The following PCDHGA6 variants were observed in gnomAD, a reference collection of about 807,000 sequenced individuals.
PCDHGA6 encodes protocadherin gamma subfamily A, 6.
In PCDHGA6, 41 loss-of-function variants were observed where a neutral mutation model predicts 60.6. That is an observed-to-expected ratio of 0.68 (90% CI 0.53 to 0.88). The LOEUF (loss-of-function observed/expected upper bound fraction) is 0.88. PCDHGA6 is among the 40% of genes least tolerant of loss of function. The pLI is 0.00. For missense variants in PCDHGA6, 1,312 were observed against 1,203.0 expected (o/e 1.09, Z -1.34); for synonymous variants, 594 against 524.4 (o/e 1.13, Z -1.81).
chr5:141,443,999 T>C (rs2098413024), intron 1 of PCDHGA6, among the ~76,000 whole-genome samples: 1 of 152,136 alleles, frequency 6.6e-6, no homozygotes, highest in Non-Finnish European at 1.5e-5. Context: ...TTTTAAATGC[T>C]ACCTGGGTAT....
intron 1 of PCDHGA6, chr5:141,415,199 T>C (rs761532551): frequency 1.7e-5 from 28 of 1,613,880 alleles, no homozygotes; most frequent in Non-Finnish European, 2.4e-5. Flanking sequence ...ATCCCCCAAG[T>C]CCTGGCGGAC....
intron 1 of PCDHGA6, among the ~76,000 whole-genome samples, chr5:141,449,589 A>G (rs1196329432): frequency 7.6e-6 from 1 of 131,966 alleles, no homozygotes; most frequent in Non-Finnish European, 1.7e-5. Context: ...ACTCTGTCTC[A>G]AAAAAAAAAA....
In PCDHGA6 at chr5:141,512,809, A is replaced by C. The variant is rs2099884438; in HGVS notation, c.*1636A>C. ...GTGTTTTGTGCTGTGTCCACGCGCT[A>C]AGGCGACCCCCTCCCCCGTACTGAC... On this transcript the variant is annotated 3_prime_UTR_variant, in exon 4 of 4. Coordinates refer to ENST00000517434, the MANE Select transcript of PCDHGA6 (RefSeq NM_018919.3). 6.6e-6 allele frequency: 1 copy of C among 152,130 alleles called. No homozygotes were observed. The highest frequency in any genetic ancestry group is 2.4e-5 in the African/African-American group (1 of 41,404). The allele number at this position is 152,130 out of a possible 1,614,324, so 9.4% of individuals were successfully genotyped here. A position where few individuals can be genotyped will look rare whatever the true frequency, so the allele number is the denominator to read the frequency against.
intron 1 of PCDHGA6, chr5:141,408,047 A>C (rs1038145479): frequency 2.4e-6 from 3 of 1,243,316 alleles, no homozygotes; most frequent in Non-Finnish European, 3.2e-6. Context: ...GCTCCCACAC[A>C]GAGCCTCCCG....
chr5:141,431,325 G>A lies in PCDHGA6; in HGVS notation c.2424+54818G>A. On this transcript the variant is annotated intron_variant, in intron 1 of 3. Transcript: ENST00000517434. The surrounding 1 kb of genome is among the most constrained non-coding windows in gnomAD (Gnocchi z 4.8). ...ATCGTGCAAAATGGAGCCGACGGTA[G>A]TAAGTACCCCGAATTGGTGCTGAAA... is the stretch of plus-strand genomic sequence containing the variant. 6.2e-7 allele frequency: 1 copy of A among 1,614,144 alleles called. No homozygotes were observed. The highest frequency in any genetic ancestry group is 8.5e-7 in the Non-Finnish European group (1 of 1,180,052).
Position 141,489,179 on chromosome 5 carries a change from C to T in PCDHGA6, c.2425-5628C>T. ...AGACTTCAGCTGCTGCATTCCAAGC[C>T]CTGGGTCTACCTTGGAGACAGGACA... On this transcript the variant is annotated intron_variant, in intron 1 of 3. Coordinates refer to ENST00000517434, the MANE Select transcript of PCDHGA6 (RefSeq NM_018919.3). The surrounding 1 kb of genome is among the most constrained non-coding windows in gnomAD (Gnocchi z 4.5). The T allele has an allele frequency of 8.0e-7, 1 of 1,243,186 alleles. No individual in the cohort carries two copies. The highest frequency in any genetic ancestry group is 1.1e-6 in the Non-Finnish European group (1 of 890,032). The allele number at this position is 1,243,186 out of a possible 1,614,324, so 77.0% of individuals were successfully genotyped here. A position where few individuals can be genotyped will look rare whatever the true frequency, so the allele number is the denominator to read the frequency against.
intron 1 of PCDHGA6, among the ~76,000 whole-genome samples, chr5:141,407,232 A>G (rs2094902362): frequency 6.6e-6 from 1 of 152,242 alleles, no homozygotes; most frequent in African/African-American, 2.4e-5. Flanking sequence ...CAAAAAAAAT[A>G]AAGCATACTT....
Position 141,393,813 on chromosome 5 carries a change from C to T in PCDHGA6, c.2424+17306C>T, listed in dbSNP as rs376904307. On this transcript the variant is annotated intron_variant, in intron 1 of 3. Coordinates refer to ENST00000517434, the MANE Select transcript of PCDHGA6 (RefSeq NM_018919.3). ...GGCACTTCTGGGGAGGACCAAATTGCTCATTTCGGTGGAAGATGTAAATGA... is the reference window on the plus strand; with the variant it reads ...GGCACTTCTGGGGAGGACCAAATTGTTCATTTCGGTGGAAGATGTAAATGA... 4.3e-6 allele frequency: 7 copies of T among 1,613,812 alleles called. 1 individual carries two copies. The East Asian group carries it at 8.9e-5, about 21-fold the overall frequency.
At chr5:141,484,644 A>G (rs1165542601) in intron 1 of PCDHGA6, among the ~76,000 whole-genome samples, 1 of 151,748 alleles carries the variant, frequency 6.6e-6, no homozygotes, top group African/African-American at 2.4e-5. Flanking sequence ...CCACTCTCCA[A>G]TGGCTACTCT....
intron 3 of PCDHGA6, among the ~76,000 whole-genome samples, chr5:141,507,803 G>GAC (rs2099863701): frequency 6.6e-6 from 1 of 152,228 alleles, no homozygotes; most frequent in Admixed American, 6.5e-5. Flanking sequence ...CCTGCGCCCT[G>GAC]GGGAACGGAC....
At chr5:141,413,993 G>A (rs756042576) in intron 1 of PCDHGA6, 2 of 1,613,486 alleles carry the variant, frequency 1.2e-6, no homozygotes, top group Non-Finnish European at 1.7e-6. Context: ...GCCACCGACA[G>A]GGACGAAGGT....
chr5:141,461,392 A>G (rs781666201), intron 1 of PCDHGA6, among the ~76,000 whole-genome samples: 18 of 152,178 alleles, frequency 1.2e-4, no homozygotes, highest in Non-Finnish European at 2.2e-4. Context: ...ATGATTAGCG[A>G]TGTTGAGCAT....
intron 1 of PCDHGA6, chr5:141,393,184 T>C: frequency 6.2e-7 from 1 of 1,613,344 alleles, no homozygotes; most frequent in Non-Finnish European, 8.5e-7. Context: ...ATAGAAATAA[T>C]TGATATTAAC....
chr5:141,430,826 CTG>C (rs2097313923), intron 1 of PCDHGA6: 1 of 1,550,416 alleles, frequency 6.4e-7, no homozygotes, highest in Non-Finnish European at 8.7e-7. Context: ...CCTGGGGACT[CTG>C]TGGGAGACCG....
intron 1 of PCDHGA6, chr5:141,478,342 G>T (rs1489278202): frequency 6.2e-7 from 1 of 1,613,862 alleles, no homozygotes; most frequent in Non-Finnish European, 8.5e-7. Flanking sequence ...GGCCCTCCTT[G>T]CACGCGGACG....
At chr5:141,494,755 C>T (rs1246224213) in intron 1 of PCDHGA6, 52 bp from the exon 2 acceptor site, 18 of 1,613,724 alleles carry the variant, frequency 1.1e-5, no homozygotes, top group African/African-American at 1.3e-5. Context: ...GCTCGGGTGA[C>T]ATTCTAACTT....
At chr5:141,400,943 T>G (rs1253479872) in intron 1 of PCDHGA6, among the ~76,000 whole-genome samples, 1 of 152,260 alleles carries the variant, frequency 6.6e-6, no homozygotes, top group East Asian at 1.9e-4. Flanking sequence ...CTTTCTTCAC[T>G]GATTTCACTG....
chr5:141,436,859 A>T (rs550974791), intron 1 of PCDHGA6, among the ~76,000 whole-genome samples: 1 of 152,250 alleles, frequency 6.6e-6, no homozygotes, highest in Non-Finnish European at 1.5e-5. Flanking sequence ...TTGAGAAGCC[A>T]CAGTTTTAGG....
At chr5:141,475,315 A>G (rs766425496) in intron 1 of PCDHGA6, among the ~76,000 whole-genome samples, 2 of 152,182 alleles carry the variant, frequency 1.3e-5, no homozygotes, top group Non-Finnish European at 2.9e-5. Flanking sequence ...CCTGGTTCTT[A>G]AGAAATGAGA....
Sources: allele counts gnomAD v4.1 joint callset (sites outside exome capture counted in the v4.1 genomes callset), GRCh38; gene constraint gnomAD v4.1.1; non-coding constraint Gnocchi (gnomAD v3.1); transcripts MANE v1.5; gene names NCBI Gene and HGNC (gene_info 2026-07-23, HGNC 2026-07-21).